Variants in SLC39A8 observed in about 807,000 individuals in gnomAD.
The protein encoded by SLC39A8 is solute carrier family 39 member 8.
Under a neutral mutation model 40.4 loss-of-function variants are expected in SLC39A8, and 15 were observed. That is an observed-to-expected ratio of 0.37 (90% CI 0.25 to 0.57). The LOEUF is 0.57. SLC39A8 is among the 20% of genes least tolerant of loss of function. The probability of loss-of-function intolerance (pLI) is 0.75; values close to 1 mark genes in which losing one functional copy is unlikely to be tolerated. For missense variants in SLC39A8, 472 were observed against 558.8 expected (o/e 0.84, Z 1.57); for synonymous variants, 223 against 221.6 (o/e 1.01, Z -0.06).
Position 102,344,433 on chromosome 4 carries a change from G to C in SLC39A8, c.219+11C>G. On this transcript the variant is annotated intron_variant, in intron 2 of 8. Coordinates refer to ENST00000356736, the MANE Select transcript of SLC39A8 (RefSeq NM_001135146.2). Reference sequence around the variant, plus strand: ...ACAGTACGGAGGGCTGCCCGGACCTGGCGGCCTTACCTGGTTGAAGTGCAG... The same window carrying C: ...ACAGTACGGAGGGCTGCCCGGACCTCGCGGCCTTACCTGGTTGAAGTGCAG... 6.6e-7 allele frequency: 1 copy of C among 1,509,270 alleles called. No homozygotes were observed. The highest frequency in any genetic ancestry group is 8.9e-7 in the Non-Finnish European group (1 of 1,127,648). The allele number at this position is 1,509,270 out of a possible 1,614,324, so 93.5% of individuals were successfully genotyped here.
At chr4:102,322,666 T>A (rs1735013792) in intron 2 of SLC39A8, among the ~76,000 whole-genome samples, 1 of 152,096 alleles carries the variant, frequency 6.6e-6, no homozygotes, top group Non-Finnish European at 1.5e-5. Flanking sequence ...ACACCAGAAA[T>A]GAAATATCAT....
At chr4:102,288,792 GAGA>G (rs1733297117) in intron 6 of SLC39A8, among the ~76,000 whole-genome samples, 1 of 152,122 alleles carries the variant, frequency 6.6e-6, no homozygotes, top group Non-Finnish European at 1.5e-5. Flanking sequence ...TGAAGGCTGA[GAGA>G]GGTGACAAAG....
intron 6 of SLC39A8, among the ~76,000 whole-genome samples, chr4:102,300,501 T>C (rs1259283520): frequency 6.6e-6 from 1 of 152,066 alleles, no homozygotes; most frequent in African/African-American, 2.4e-5. Flanking sequence ...GTCTTTGTTC[T>C]TTCTACATTT....
downstream of SLC39A8, chr4:102,259,655 G>A (rs1165909577): frequency 5.0e-6 from 3 of 603,700 alleles, no homozygotes; most frequent in East Asian, 2.8e-5. Context: ...GAAAGTCAAC[G>A]ATTTTAATAG....
rs568941438 is a variant in SLC39A8, at chr4:102,338,186, CT to C, written c.219+6257del. ...ACTTTTCACAGTTTCCATCTTATTT[CT>C]TTTTTTTTTTTTTTTTCGAGACGGA... On this transcript the variant is annotated intron_variant, in intron 2 of 8. Transcript: ENST00000356736. Among the ~76,000 whole-genome samples, 924 of 131,146 alleles carry C rather than the reference CT, an allele frequency of 7.0e-3. 11 individuals are homozygous for C. The highest frequency in any genetic ancestry group is 0.056 in the East Asian group (263 of 4,680). 86.0% of individuals were successfully genotyped at this position (131,146 alleles called of 152,430 possible).
chr4:102,255,657 G>A (rs1282078026), intron 11 of SLC39A8, among the ~76,000 whole-genome samples: 1 of 152,154 alleles, frequency 6.6e-6, no homozygotes, highest in Non-Finnish European at 1.5e-5. Flanking sequence ...AGTAGGGGTT[G>A]GGAGAAACCA....
In SLC39A8 at chr4:102,294,590, G is replaced by T. The variant is rs1302706823; in HGVS notation, c.840+9727C>A. On this transcript the variant is annotated intron_variant, in intron 6 of 8. Coordinates refer to ENST00000356736, the MANE Select transcript of SLC39A8 (RefSeq NM_001135146.2). ...TTCCATGCATTCTTCCCCTCTCTCT[G>T]CTAATTGGCTATAAATGCCAACCTG... is the stretch of plus-strand genomic sequence containing the variant. Among the ~76,000 whole-genome samples, 3 of 151,872 alleles carry T rather than the reference G, an allele frequency of 2.0e-5. 1 individual carries two copies. The highest frequency in any genetic ancestry group is 7.3e-5 in the African/African-American group (3 of 41,374).
rs1198160910 is a variant in SLC39A8 at position 102,307,435 on chromosome 4, C to T, written c.552+1G>A. On this transcript the variant is annotated splice_donor_variant, in intron 4 of 8. Transcript: ENST00000356736. LOFTEE classifies it high-confidence loss of function. ...CAGAAACAAATAGCCAACATCCTTA[C>T]CTCTGGAATAAGTTGGAAAATTGCA... 1 of 1,612,986 alleles carries T rather than the reference C, an allele frequency of 6.2e-7. No individual in the cohort carries two copies. Among genetic ancestry groups the T allele is most frequent in the Admixed American group, 1.7e-5 (1 of 59,904 alleles).
intron 2 of SLC39A8, among the ~76,000 whole-genome samples, chr4:102,329,554 T>C (rs1362585703): frequency 4.1e-5 from 6 of 145,882 alleles, no homozygotes; most frequent in Admixed American, 7.1e-5. Flanking sequence ...ACCTGGAAGA[T>C]GGAGGTTGCA....
chr4:102,323,867 G>A (rs1269704425), intron 2 of SLC39A8, among the ~76,000 whole-genome samples: 1 of 152,172 alleles, frequency 6.6e-6, no homozygotes, highest in East Asian at 1.9e-4. Context: ...TGAGACCCTG[G>A]CAGAGAATGC....
At chr4:102,289,341 T>A (rs1733319313) in intron 6 of SLC39A8, among the ~76,000 whole-genome samples, 1 of 152,140 alleles carries the variant, frequency 6.6e-6, no homozygotes, top group Non-Finnish European at 1.5e-5. Context: ...TGACAGTGCA[T>A]CTAGTCACCT....
intron 6 of SLC39A8, among the ~76,000 whole-genome samples, chr4:102,279,152 A>T (rs1732764403): frequency 6.6e-6 from 1 of 152,084 alleles, no homozygotes; most frequent in South Asian, 2.1e-4. Flanking sequence ...TAATAATAAA[A>T]AAAAAAAGAA....
chr4:102,298,235 AG>A (rs1733761908), intron 6 of SLC39A8, among the ~76,000 whole-genome samples: 1 of 152,076 alleles, frequency 6.6e-6, no homozygotes, highest in Admixed American at 6.6e-5. Context: ...CAGTGAAAGT[AG>A]GCTAAATTCA....
At chr4:102,312,284 C>G (rs146765542) in intron 3 of SLC39A8, among the ~76,000 whole-genome samples, 1 of 152,184 alleles carries the variant, frequency 6.6e-6, no homozygotes, top group African/African-American at 2.4e-5. Flanking sequence ...CCCGATCCCA[C>G]TCCACTCCAG....
At chr4:102,325,941 A>G (rs150614306) in intron 2 of SLC39A8, among the ~76,000 whole-genome samples, 27 of 152,248 alleles carry the variant, frequency 1.8e-4, no homozygotes, top group African/African-American at 6.5e-4. Flanking sequence ...TCCCAGCCCT[A>G]CCCCATTCCA....
chr4:102,342,152 A>G (rs1735970542), intron 2 of SLC39A8, among the ~76,000 whole-genome samples: 1 of 152,162 alleles, frequency 6.6e-6, no homozygotes, highest in African/African-American at 2.4e-5. Context: ...ATTCTTTTAG[A>G]TTGGTATTTC....
chr4:102,323,038 T>A (rs1735030626), intron 2 of SLC39A8, among the ~76,000 whole-genome samples: 2 of 152,172 alleles, frequency 1.3e-5, no homozygotes, highest in South Asian at 4.1e-4. Flanking sequence ...CTTTCTGAAA[T>A]TTGCCATGTA....
At chr4:102,275,550 C>G (rs1732580269) in intron 6 of SLC39A8, among the ~76,000 whole-genome samples, 1 of 152,048 alleles carries the variant, frequency 6.6e-6, no homozygotes, top group Admixed American at 6.6e-5. Flanking sequence ...ATTTACCACC[C>G]CACTTTCAAT....
At chr4:102,312,659 G>A (rs1034938381) in intron 3 of SLC39A8, among the ~76,000 whole-genome samples, 3 of 152,128 alleles carry the variant, frequency 2.0e-5, no homozygotes, top group East Asian at 1.9e-4. Flanking sequence ...CTAGAGTTAT[G>A]CACGTTAGAT....
Sources: gnomAD v4.1 joint callset for allele counts (sites outside exome capture counted in the v4.1 genomes callset) on GRCh38, gnomAD v4.1.1 for gene constraint, MANE v1.5 for transcripts, NCBI Gene and HGNC (gene_info 2026-07-23, HGNC 2026-07-21) for gene names.